Variants in ABCC1 observed in about 807,000 individuals in gnomAD.
ABCC1 encodes ATP binding cassette subfamily C member 1 (ABCC1 blood group), also known as multidrug resistance-associated protein 1.
In ABCC1, 83 loss-of-function variants were observed where a neutral mutation model predicts 172.9. That is an observed-to-expected ratio of 0.48 (90% confidence interval 0.40 to 0.58). The LOEUF (loss-of-function observed/expected upper bound fraction) is 0.58. ABCC1 is among the 20% of genes least tolerant of loss of function. The pLI is 0.00. For synonymous variants in ABCC1, 937 were observed against 825.2 expected (o/e 1.14, Z -2.32); for missense variants, 1,817 against 2,002.7 (o/e 0.91, Z 1.77).
chr16:16,137,205 C>T (rs2045946703), intron 29 of ABCC1, among the ~76,000 whole-genome samples: 1 of 152,146 alleles, frequency 6.6e-6, no homozygotes, highest in Non-Finnish European at 1.5e-5. Flanking sequence ...CATACGAGGG[C>T]AGTCAGCCAG....
intron 2 of ABCC1, among the ~76,000 whole-genome samples, chr16:16,008,686 T>C (rs965018184): frequency 2.6e-5 from 4 of 151,348 alleles, no homozygotes; most frequent in Non-Finnish European, 5.9e-5. Flanking sequence ...CTACTAAAAA[T>C]ACAAAAATGA....
intron 28 of ABCC1, among the ~76,000 whole-genome samples, chr16:16,136,188 T>TA (rs2045910119): frequency 6.6e-6 from 1 of 152,052 alleles, no homozygotes; most frequent in African/African-American, 2.4e-5. Context: ...CATGCCCAGC[T>TA]AATTTTTGTA....
Position 16,048,199 on chromosome 16 carries a change from C to G in ABCC1, c.1276C>G (p.Leu426Val). 6.2e-7 allele frequency: 1 copy of G among 1,614,180 alleles called. No individual in the cohort carries two copies. The highest frequency in any genetic ancestry group is 8.5e-7 in the Non-Finnish European group (1 of 1,180,020). Reference protein sequence around the residue: ...KSSTVGEIVNLMSVDAQRFMD... With the variant: ...KSSTVGEIVNVMSVDAQRFMD... ...CTCCACGGTCGGGGAGATTGTCAACCTCATGTCTGTGGACGCTCAGAGGTT... is the reference window on the plus strand; with the variant it reads ...CTCCACGGTCGGGGAGATTGTCAACGTCATGTCTGTGGACGCTCAGAGGTT... The change falls in exon 10 of 31, where the codon CTC (leucine) becomes GTC (valine). Residue 426 changes from leucine to valine, a missense_variant. By Grantham distance (32) the Leu-to-Val change is conservative. Transcript: ENST00000399410.
intron 17 of ABCC1, among the ~76,000 whole-genome samples, chr16:16,085,744 C>T (rs2050981279): frequency 6.6e-6 from 1 of 152,222 alleles, no homozygotes; most frequent in Non-Finnish European, 1.5e-5. Flanking sequence ...TGTGCCACTG[C>T]ACTCCAGCCT....
intron 1 of ABCC1, among the ~76,000 whole-genome samples, chr16:15,981,636 G>T (rs1240840806): frequency 1.3e-5 from 2 of 152,144 alleles, no homozygotes; most frequent in Non-Finnish European, 2.9e-5. Flanking sequence ...CCGGCCTATG[G>T]AATCATTTTT....
chr16:16,027,988 A>G (rs145673736), intron 5 of ABCC1, among the ~76,000 whole-genome samples: 5 of 152,204 alleles, frequency 3.3e-5, no homozygotes, highest in African/African-American at 1.2e-4. Context: ...TTCACCACCA[A>G]GGAACTGACC....
chr16:16,014,581 T>C lies in ABCC1; in HGVS notation c.442T>C (p.Cys148Arg). Residue 148 changes from cysteine to arginine, a missense_variant, in exon 4 of 31, where the codon TGT becomes CGT. By Grantham distance (180) the Cys-to-Arg change is radical. Transcript: ENST00000399410. ...MLTFWLVALV[C>R]ALAILRSKIM... ...CACTTTCTGGCTGGTAGCCCTAGTG[T>C]GTGCCCTAGCCATCCTGAGATCCAA... The C allele has an allele frequency of 6.2e-7, 1 of 1,614,094 alleles. No homozygotes were observed.
rs911081970 is a variant in ABCC1, at chr16:16,046,029, C to T, written c.1218+16C>T. ...CTATCGGAAGGTAGGGGACGCTGTG[C>T]CATTGGCATGTGGCCCGACTTCCAC... On this transcript the variant is annotated intron_variant, in intron 9 of 30. Coordinates refer to ENST00000399410, the MANE Select transcript of ABCC1 (RefSeq NM_004996.4). 3 of 1,612,808 alleles carry T rather than the reference C, an allele frequency of 1.9e-6. No homozygotes were observed. Among genetic ancestry groups the T allele is most frequent in the Admixed American group, 1.7e-5 (1 of 59,938 alleles).
intron 1 of ABCC1, among the ~76,000 whole-genome samples, chr16:15,997,742 TTAAAG>T (rs2047105194): frequency 6.6e-6 from 1 of 151,804 alleles, no homozygotes; most frequent in Non-Finnish European, 1.5e-5. Context: ...CCTGGAGTTG[TTAAAG>T]TAAAGAAGGA....
chr16:15,983,804 C>T (rs1440577803), intron 1 of ABCC1, among the ~76,000 whole-genome samples: 1 of 151,976 alleles, frequency 6.6e-6, no homozygotes, highest in Admixed American at 6.6e-5. Context: ...GATTCGCCTG[C>T]CTCAGCCTCC....
In ABCC1 at chr16:15,960,242, G is replaced by A. The variant is rs143874286; in HGVS notation, c.48+10443G>A. ...ACTACAGGCATGCACCAGCACACCC[G>A]GCTAATTTTTGTATTTTTTTTTGTA... On this transcript the variant is annotated intron_variant, in intron 1 of 30. Coordinates refer to ENST00000399410, the MANE Select transcript of ABCC1 (RefSeq NM_004996.4). 3.7e-3 allele frequency among the ~76,000 whole-genome samples: 565 copies of A among 151,764 alleles called. 4 individuals carry two copies. Among genetic ancestry groups the A allele is most frequent in the Non-Finnish European group, 3.8e-3 (259 of 67,986 alleles).
intron 10 of ABCC1, among the ~76,000 whole-genome samples, chr16:16,051,894 G>C (rs968601761): frequency 3.3e-5 from 5 of 152,148 alleles, no homozygotes; most frequent in Non-Finnish European, 5.9e-5. Context: ...AAAGCAATCA[G>C]GTGGTCGTGT....
chr16:16,138,653 A>T, intron 30 of ABCC1, 95 bp downstream of exon 30: 1 of 1,024,142 alleles, frequency 9.8e-7, no homozygotes, highest in Non-Finnish European at 1.3e-6. Flanking sequence ...CACTGTCCTT[A>T]TCCCTAGTGA....
At chr16:16,025,429 C>A (rs1246383418) in intron 5 of ABCC1, among the ~76,000 whole-genome samples, 1 of 152,178 alleles carries the variant, frequency 6.6e-6, no homozygotes, top group Admixed American at 6.5e-5. Flanking sequence ...CGGTTCCCAA[C>A]AAGTTCCCAG....
At chr16:16,132,507 G>T (rs79568388) in intron 27 of ABCC1, among the ~76,000 whole-genome samples, 14,473 of 74,932 alleles carry the variant, frequency 0.19, 1,130 homozygotes, top group African/African-American at 0.22. Flanking sequence ...TTTTTGGTTG[G>T]TTGTTTTTTT....
chr16:16,086,090 G>A (rs911193056), intron 17 of ABCC1, among the ~76,000 whole-genome samples: 5 of 152,204 alleles, frequency 3.3e-5, no homozygotes, highest in African/African-American at 1.2e-4. Flanking sequence ...ACCAACAGCA[G>A]CAGTAACAAT....
chr16:15,963,523 C>G (rs911388167), intron 1 of ABCC1, among the ~76,000 whole-genome samples: 1 of 152,200 alleles, frequency 6.6e-6, no homozygotes, highest in Admixed American at 6.5e-5. Context: ...GGCTGGACAT[C>G]CAGGCATTTG....
In ABCC1 at chr16:16,007,925, A is replaced by C; in HGVS notation, c.158A>C (p.Tyr53Ser). 1 of 1,609,298 alleles carries C rather than the reference A, an allele frequency of 6.2e-7. No homozygotes were observed. The highest frequency in any genetic ancestry group is 8.5e-7 in the Non-Finnish European group (1 of 1,178,962). ...CFYLWACFPF[Y>S]FLYLSRHDRG... ...TACCTCTGGGCCTGTTTCCCCTTCT[A>C]CTTCCTCTATCTCTCCCGACATGAC... is the stretch of plus-strand genomic sequence containing the variant. Residue 53 changes from tyrosine to serine, a missense_variant, in exon 2 of 31, where the codon TAC becomes TCC. Coordinates refer to ENST00000399410, the MANE Select transcript of ABCC1 (RefSeq NM_004996.4).
At chr16:16,141,127 G>T in intron 30 of ABCC1, 46 bp from the exon 31 acceptor site, 1 of 1,573,016 alleles carries the variant, frequency 6.4e-7, no homozygotes, top group Non-Finnish European at 8.7e-7. Flanking sequence ...GGCACGAGGT[G>T]CTCACCCCTC....
Sources: allele counts gnomAD v4.1 joint callset (sites outside exome capture counted in the v4.1 genomes callset), GRCh38; gene constraint gnomAD v4.1.1; transcripts MANE v1.5; gene names NCBI Gene and HGNC (gene_info 2026-07-23, HGNC 2026-07-21).